FLT1: variants seen among roughly 807,000 people sequenced by gnomAD.
FLT1 encodes the protein fms related receptor tyrosine kinase 1.
A neutral mutation model predicts 156.3 loss-of-function variants in FLT1; 49 were observed. The observed-to-expected ratio is 0.31, with a 90% CI of 0.25 to 0.40. The LOEUF is 0.40. FLT1 is among the 10% of genes least tolerant of loss of function. FLT1 has a pLI of 1.00. For missense variants in FLT1, 1,322 were observed against 1,637.2 expected, an observed-to-expected ratio of 0.81 and a Z score of 3.32; for synonymous variants, 594 against 583.8, an observed-to-expected ratio of 1.02 and a Z score of -0.25.
At chr13:28,389,526 G>T in intron 13 of FLT1, 1 of 1,426,082 alleles carries the variant, frequency 7.0e-7, no homozygotes, top group South Asian at 1.6e-5. Context: ...CGGCCCCCCG[G>T]AGCAGCCCCC....
intron 1 of FLT1, among the ~76,000 whole-genome samples, chr13:28,473,165 G>A (rs891802864): frequency 7.2e-5 from 11 of 152,096 alleles, no homozygotes; most frequent in Admixed American, 4.6e-4. Flanking sequence ...ACTTTTAAAC[G>A]GTGCAACCCA....
intron 1 of FLT1, among the ~76,000 whole-genome samples, chr13:28,492,998 A>AT (rs1250913540): frequency 1.3e-5 from 2 of 152,220 alleles, no homozygotes; most frequent in African/African-American, 4.8e-5. Flanking sequence ...ATTTAAGTAA[A>AT]TTATAATCTA....
At chr13:28,467,753 G>A in intron 1 of FLT1, 136 bp from the exon 2 acceptor site, 2 of 610,686 alleles carry the variant, frequency 3.3e-6, no homozygotes, top group South Asian at 4.2e-5. Flanking sequence ...TAATTTATAA[G>A]CAAAAGATAC....
At position 28,410,892 on chromosome 13, in the gene FLT1, C is replaced by T. The variant is rs77178170; in HGVS notation, c.1437-4998G>A. Among the ~76,000 whole-genome samples, 518 of 152,256 alleles carry T rather than the reference C, an allele frequency of 3.4e-3. 2 individuals are homozygous for T. The highest frequency in any genetic ancestry group is 5.6e-3 in the Non-Finnish European group (380 of 68,018). Reference sequence around the variant, plus strand: ...AGGATCAGAACCCAGACTCTCCTAACTCTTCACTATCCCAGAGCTCTGTGC... The same window carrying T: ...AGGATCAGAACCCAGACTCTCCTAATTCTTCACTATCCCAGAGCTCTGTGC... On this transcript the variant is annotated intron_variant, in intron 10 of 29. Transcript: ENST00000282397.
intron 12 of FLT1, among the ~76,000 whole-genome samples, chr13:28,390,540 C>T (rs930544093): frequency 2.6e-5 from 4 of 152,100 alleles, no homozygotes; most frequent in Non-Finnish European, 5.9e-5. Flanking sequence ...GAATTACAGG[C>T]GTGCATCACC....
intron 1 of FLT1, among the ~76,000 whole-genome samples, chr13:28,472,642 C>A (rs1256884403): frequency 6.6e-6 from 1 of 152,136 alleles, no homozygotes; most frequent in African/African-American, 2.4e-5. Context: ...AAGAAAGGAG[C>A]TTTATTTGAA....
intron 14 of FLT1, among the ~76,000 whole-genome samples, chr13:28,360,572 G>A (rs940932618): frequency 5.3e-5 from 8 of 152,146 alleles, no homozygotes; most frequent in South Asian, 2.1e-4. Flanking sequence ...TATGTTGAGC[G>A]AAATAAGCCA....
At chr13:28,328,237 T>C (rs1871775477) in intron 19 of FLT1, 1 of 152,292 alleles carries the variant, frequency 6.6e-6, no homozygotes, top group African/African-American at 2.4e-5. Context: ...TTTTATTTTT[T>C]ATTTTTTCCC....
At chr13:28,473,773 GGAAGGAAAGAAAGAAA>G (rs1186982860) in intron 1 of FLT1, among the ~76,000 whole-genome samples, 887 of 84,198 alleles carry the variant, frequency 0.011, 8 homozygotes, top group East Asian at 0.014. Flanking sequence ...AAGGAAGGAA[GGAAGGAAAGAAAGAAA>G]GAAAGAAAGA....
intron 3 of FLT1, among the ~76,000 whole-genome samples, chr13:28,465,895 T>C (rs1015275887): frequency 8.5e-5 from 13 of 152,226 alleles, no homozygotes; most frequent in African/African-American, 2.9e-4. Context: ...AGTTCTATTG[T>C]ACTACCTCCA....
chr13:28,492,870 G>A (rs1400070354), intron 1 of FLT1, among the ~76,000 whole-genome samples: 1 of 152,108 alleles, frequency 6.6e-6, no homozygotes, highest in Non-Finnish European at 1.5e-5. Context: ...TGAACTAACA[G>A]AGTGTTCTGT....
At chr13:28,460,626 G>A (rs1182022821) in intron 3 of FLT1, among the ~76,000 whole-genome samples, 1 of 151,902 alleles carries the variant, frequency 6.6e-6, no homozygotes, top group Non-Finnish European at 1.5e-5. Flanking sequence ...ATTTTCTCCA[G>A]ACCTCTGTTT....
intron 12 of FLT1, among the ~76,000 whole-genome samples, chr13:28,396,376 A>C (rs1875042790): frequency 6.6e-6 from 1 of 152,164 alleles, no homozygotes; most frequent in Non-Finnish European, 1.5e-5. Flanking sequence ...TGAGGGACAT[A>C]GGGAGTGCCA....
intron 1 of FLT1, among the ~76,000 whole-genome samples, chr13:28,490,590 CA>C (rs1430763134): frequency 6.6e-6 from 1 of 152,120 alleles, no homozygotes; most frequent in Non-Finnish European, 1.5e-5. Flanking sequence ...TGTGAGGAAC[CA>C]CCAGTGATCC....
chr13:28,468,039 T>C (rs577709487), intron 1 of FLT1, among the ~76,000 whole-genome samples: 3 of 152,362 alleles, frequency 2.0e-5, no homozygotes, highest in African/African-American at 7.2e-5. Context: ...GTGTGGGTCA[T>C]CTAGTCCTAT....
chr13:28,440,921 G>A (rs1000583710), intron 3 of FLT1, among the ~76,000 whole-genome samples: 1 of 152,160 alleles, frequency 6.6e-6, no homozygotes, highest in Non-Finnish European at 1.5e-5. Flanking sequence ...GGACAGGAGA[G>A]TGCCCCTCCT....
intron 27 of FLT1, among the ~76,000 whole-genome samples, chr13:28,310,542 G>A (rs1870958221): frequency 6.6e-6 from 1 of 152,138 alleles, no homozygotes; most frequent in South Asian, 2.1e-4. Flanking sequence ...GCCAGACCCA[G>A]CACTTGTCTG....
At chr13:28,467,464 A>C in intron 2 of FLT1, 57 bp downstream of exon 2, 1 of 1,138,530 alleles carries the variant, frequency 8.8e-7, no homozygotes, top group Non-Finnish European at 1.3e-6. Context: ...CTGCCAGGGA[A>C]TGATTTTGCC....
intron 14 of FLT1, among the ~76,000 whole-genome samples, chr13:28,376,893 T>C (rs1651748766): frequency 6.6e-6 from 1 of 152,208 alleles, no homozygotes; most frequent in Admixed American, 6.5e-5. Flanking sequence ...CACTGTACCA[T>C]TGTTCCAAGT....
Sources: gnomAD v4.1 joint callset for allele counts (sites outside exome capture counted in the v4.1 genomes callset) on GRCh38, gnomAD v4.1.1 for gene constraint, MANE v1.5 for transcripts, NCBI Gene and HGNC (gene_info 2026-07-23, HGNC 2026-07-21) for gene names.